CAMSAP2: variants seen among roughly 807,000 people sequenced by gnomAD.
CAMSAP2 encodes the protein calmodulin regulated spectrin associated protein family member 2.
A neutral mutation model predicts 146.1 loss-of-function variants in CAMSAP2; 26 were observed. The ratio of observed to expected loss-of-function variants is 0.18; its 90% CI spans 0.13 to 0.25. The LOEUF (loss-of-function observed/expected upper bound fraction) is 0.25, where lower values mean the gene tolerates loss of function less well. CAMSAP2 is among the 10% of genes least tolerant of loss of function. CAMSAP2 has a pLI of 1.00. For synonymous variants in CAMSAP2, 499 were observed against 596.6 expected (o/e 0.84, Z 2.38); for missense variants, 1,381 against 1,759.3 (o/e 0.78, Z 3.85).
At chr1:200,769,082 T>C (rs1665040419) in intron 2 of CAMSAP2, among the ~76,000 whole-genome samples, 1 of 152,126 alleles carries the variant, frequency 6.6e-6, no homozygotes, top group African/African-American at 2.4e-5. Context: ...ATTAATTAAT[T>C]AGTAGTTAAC....
intron 3 of CAMSAP2, among the ~76,000 whole-genome samples, chr1:200,811,492 A>C (rs1461701909): frequency 6.6e-6 from 1 of 152,156 alleles, no homozygotes; most frequent in Non-Finnish European, 1.5e-5. Flanking sequence ...GCACTGTTGA[A>C]TTGAGGGTAA....
intron 4 of CAMSAP2, among the ~76,000 whole-genome samples, chr1:200,816,873 C>T (rs796636894): frequency 2.6e-5 from 1 of 38,474 alleles, no homozygotes; most frequent in Non-Finnish European, 4.7e-5. Context: ...TATGTGTGTA[C>T]ACACACACGC....
In CAMSAP2 at chr1:200,739,252, C is replaced by G. The variant is rs1664074254; in HGVS notation, c.-576C>G. Among the ~76,000 whole-genome samples the G allele has an allele frequency of 1.3e-5, 2 of 152,100 alleles. No homozygotes were observed. Among genetic ancestry groups the G allele is most frequent in the Admixed American group, 1.3e-4 (2 of 15,280 alleles). On this transcript the variant is annotated 5_prime_UTR_variant, in exon 1 of 17. Coordinates refer to ENST00000358823, the MANE Select transcript of CAMSAP2 (RefSeq NM_203459.4). The surrounding 1 kb of genome is among the most constrained non-coding windows in gnomAD (Gnocchi z 4.8). Reference sequence around the variant, plus strand: ...TCCGGCGGGCAGGGGCCGGGCTGCGCTGGGTGGGCCAGCTCGCCCCGCGCT... The same window carrying G: ...TCCGGCGGGCAGGGGCCGGGCTGCGGTGGGTGGGCCAGCTCGCCCCGCGCT...
At chr1:200,752,543 C>T (rs995937441) in intron 1 of CAMSAP2, among the ~76,000 whole-genome samples, 1 of 151,856 alleles carries the variant, frequency 6.6e-6, no homozygotes, top group African/African-American at 2.4e-5. Context: ...TCAGATTTGC[C>T]AATTATGTTG....
intron 4 of CAMSAP2, among the ~76,000 whole-genome samples, chr1:200,831,176 A>G (rs1476451268): frequency 1.3e-5 from 2 of 152,208 alleles, no homozygotes; most frequent in African/African-American, 4.8e-5. Flanking sequence ...CTAGCAAAAT[A>G]CTTTCGTGTG....
intron 2 of CAMSAP2, among the ~76,000 whole-genome samples, chr1:200,780,883 A>G (rs1176546973): frequency 2.6e-5 from 4 of 152,208 alleles, no homozygotes; most frequent in African/African-American, 4.8e-5. Flanking sequence ...TGTTTCTCAC[A>G]GTGCTTGGGA....
At position 200,849,221 on chromosome 1, in the gene CAMSAP2, G is replaced by C; in HGVS notation, c.2452G>C (p.Ala818Pro). 8.7e-6 allele frequency: 14 copies of C among 1,613,828 alleles called. No individual in the cohort carries two copies. The highest frequency in any genetic ancestry group is 2.2e-5 in the East Asian group (1 of 44,884). Residue 818 changes from alanine (A) to proline (P), a missense_variant, in exon 11 of 17, where the codon GCA (alanine) becomes CCA (proline). Coordinates refer to ENST00000358823, the MANE Select transcript of CAMSAP2 (RefSeq NM_203459.4). This position sits in a 1 kb window ranked among gnomAD's most constrained non-coding sequence, Gnocchi z 6.3. The stretch of plus-strand genomic sequence containing the variant: ...AGATGAGAAAGTATATACTGATCGA[G>C]CAAAAGAAAAGGAATCACAAAAAAC... ...AEDEKVYTDR[A>P]KEKESQKTDG...
intron 2 of CAMSAP2, among the ~76,000 whole-genome samples, chr1:200,762,502 A>G: frequency 6.6e-6 from 1 of 152,172 alleles, no homozygotes; most frequent in East Asian, 1.9e-4. Flanking sequence ...TCTCCCCCAG[A>G]ATCATTCCCC....
At chr1:200,835,811 T>C (rs1476178874) in intron 6 of CAMSAP2, among the ~76,000 whole-genome samples, 1 of 152,172 alleles carries the variant, frequency 6.6e-6, no homozygotes, top group Non-Finnish European at 1.5e-5. Flanking sequence ...AGCTAAAAAT[T>C]TAAATGCTAC....
At chr1:200,800,287 G>A (rs981584874) in intron 2 of CAMSAP2, among the ~76,000 whole-genome samples, 1 of 152,050 alleles carries the variant, frequency 6.6e-6, no homozygotes, top group African/African-American at 2.4e-5. Flanking sequence ...CACTATTATT[G>A]TGTGGGAGTC....
At chr1:200,744,299 A>G (rs1287967753) in intron 1 of CAMSAP2, among the ~76,000 whole-genome samples, 2 of 152,242 alleles carry the variant, frequency 1.3e-5, no homozygotes, top group Non-Finnish European at 2.9e-5. Context: ...AAGTGGGTAC[A>G]TGGGAAATGG....
At chr1:200,754,718 G>A (rs1037273600) in intron 1 of CAMSAP2, among the ~76,000 whole-genome samples, 1 of 150,952 alleles carries the variant, frequency 6.6e-6, no homozygotes, top group African/African-American at 2.5e-5. Flanking sequence ...GAGTAGCTGG[G>A]ACTACAGGCA....
intron 2 of CAMSAP2, among the ~76,000 whole-genome samples, chr1:200,772,880 A>G (rs1412025311): frequency 6.6e-6 from 1 of 152,170 alleles, no homozygotes; most frequent in Admixed American, 6.5e-5. Context: ...TTTTCCTGAA[A>G]TATCACTTTG....
At chr1:200,767,629 A>T (rs926172894) in intron 2 of CAMSAP2, among the ~76,000 whole-genome samples, 27 of 152,192 alleles carry the variant, frequency 1.8e-4, no homozygotes, top group African/African-American at 5.8e-4. Flanking sequence ...ACAGGATTAT[A>T]TAAATGTAGT....
intron 4 of CAMSAP2, among the ~76,000 whole-genome samples, chr1:200,825,227 T>C (rs776701008): frequency 1.3e-5 from 2 of 152,156 alleles, no homozygotes; most frequent in Non-Finnish European, 2.9e-5. Flanking sequence ...TTTGAATATG[T>C]AGAACATTGA....
chr1:200,767,056 C>T (rs1030276997), intron 2 of CAMSAP2, among the ~76,000 whole-genome samples: 8 of 152,088 alleles, frequency 5.3e-5, no homozygotes, highest in Admixed American at 1.3e-4. Context: ...GCAGGCAGGG[C>T]GTGGTGGCTC....
At chr1:200,775,006 C>T (rs1230308845) in intron 2 of CAMSAP2, among the ~76,000 whole-genome samples, 1 of 152,104 alleles carries the variant, frequency 6.6e-6, no homozygotes, top group Non-Finnish European at 1.5e-5. Context: ...TAAAGTTGAC[C>T]AGTAAACAAT....
chr1:200,832,563 G>A lies in CAMSAP2; in HGVS notation c.788-143G>A. ...AAAAAAAATAGTGCTCGGTTTCTAA[G>A]TCTTAATGTATAATGACTACTATAT... On this transcript the variant is annotated intron_variant, in intron 5 of 16. Transcript: ENST00000358823. This position sits in a 1 kb window ranked among gnomAD's most constrained non-coding sequence, Gnocchi z 4.2. The A allele has an allele frequency of 2.6e-6, 2 of 761,466 alleles. No individual in the cohort carries two copies. The highest frequency in any genetic ancestry group is 3.8e-6 in the Non-Finnish European group (2 of 519,938). The allele number at this position is 761,466 out of a possible 1,614,324, so 47.2% of individuals were successfully genotyped here. A position where few individuals can be genotyped will look rare whatever the true frequency, so the allele number is the denominator to read the frequency against.
At chr1:200,742,406 C>T (rs958159555) in intron 1 of CAMSAP2, among the ~76,000 whole-genome samples, 5 of 152,006 alleles carry the variant, frequency 3.3e-5, no homozygotes, top group African/African-American at 1.2e-4. Context: ...TTTAGAAGAC[C>T]TTGAGTGACT....
Sources: gnomAD v4.1 joint callset for allele counts (sites outside exome capture counted in the v4.1 genomes callset) on GRCh38, gnomAD v4.1.1 for gene constraint, Gnocchi (gnomAD v3.1) non-coding constraint, MANE v1.5 for transcripts, NCBI Gene and HGNC (gene_info 2026-07-23, HGNC 2026-07-21) for gene names.